ZNF17: variants seen among roughly 807,000 people sequenced by gnomAD.
ZNF17 encodes the protein zinc finger protein 17, also known as zinc finger protein 17 (HPF3, KOX 10).
Under a neutral mutation model 7.7 loss-of-function variants are expected in ZNF17, and 4 were observed. The observed-to-expected ratio is 0.52, with a 90% confidence interval of 0.26 to 1.20. ZNF17 has a LOEUF of 1.20. Among genes scored for constraint, ZNF17 ranks in the 50% most tolerant of loss-of-function variants. The probability of loss-of-function intolerance (pLI) is 0.14; values close to 1 mark genes in which losing one functional copy is unlikely to be tolerated. For missense variants in ZNF17, 738 were observed against 799.5 expected, an observed-to-expected ratio of 0.92 and a Z score of 0.93; for synonymous variants, 249 against 258.8, an observed-to-expected ratio of 0.96 and a Z score of 0.36.
rs559831988 is a variant in ZNF17, at chr19:57,419,802, G to A, written c.316G>A (p.Gly106Arg). The change falls in exon 4 of 4, where the codon GGA (glycine) becomes AGA (arginine). Residue 106 changes from glycine to arginine, a missense_variant. Around this residue, in one of 3 missense-constraint regions of ZNF17, gnomAD observed 616 missense variants for 663.9 expected, o/e 0.93. Transcript: ENST00000307658. ...CATTCTACACCTGGCTGAGCATGACGGAACACACCCCAAGCGTACAGCCAA... is the reference window on the plus strand; with the variant it reads ...CATTCTACACCTGGCTGAGCATGACAGAACACACCCCAAGCGTACAGCCAA... ...KDILHLAEHDGTHPKRTAKLY... is the reference protein window; with the variant it reads ...KDILHLAEHDRTHPKRTAKLY... The A allele has an allele frequency of 7.4e-5, 120 of 1,614,096 alleles. No homozygotes were observed. In the South Asian group the frequency reaches 1.2e-3, roughly 16 times the overall value.
At chr19:57,415,663 G>A (rs1474763191) in intron 2 of ZNF17, among the ~76,000 whole-genome samples, 2 of 152,094 alleles carry the variant, frequency 1.3e-5, no homozygotes, top group Non-Finnish European at 2.9e-5. Flanking sequence ...TGAGGGAGTG[G>A]ATGGACTGAG....
chr19:57,419,678 A>AT lies in ZNF17; in HGVS notation c.193dup (p.Cys65LeufsTer25). 1 of 1,614,080 alleles carries AT rather than the reference A, an allele frequency of 6.2e-7. No homozygotes were observed. Among genetic ancestry groups the AT allele is most frequent in the Non-Finnish European group, 8.5e-7 (1 of 1,179,952 alleles). On this transcript the variant is annotated frameshift_variant, in exon 4 of 4. Transcript: ENST00000307658. LOFTEE classifies it low-confidence loss of function (END_TRUNC). The stretch of plus-strand genomic sequence containing the variant: ...AGGATGAGGAGGCACCTTCCAAGCA[A>AT]TGTGTTTCTGTAGGAGTGTCACAGG...
In ZNF17 at chr19:57,421,065, C is replaced by T. The variant is rs747761149; in HGVS notation, c.1579C>T (p.Pro527Ser). The T allele has an allele frequency of 2.5e-6, 4 of 1,614,176 alleles. No homozygotes were observed. The highest frequency in any genetic ancestry group is 2.5e-6 in the Non-Finnish European group (3 of 1,180,010). Residue 527 changes from proline to serine, a missense_variant, in exon 4 of 4, where the codon CCT (proline) becomes TCT (serine). Around this residue, in one of 3 missense-constraint regions of ZNF17, gnomAD observed 616 missense variants for 663.9 expected, o/e 0.93. Coordinates refer to ENST00000307658, the MANE Select transcript of ZNF17 (RefSeq NM_001330617.2). ...TCAGAGAATTCACACTGGTGAAAGG[C>T]CTTATGAGTGTAGTGAATGTGGGAA... ...THQRIHTGER[P>S]YECSECGKFF...
At position 57,411,420 on chromosome 19, in the gene ZNF17, C is replaced by A. The variant is rs774271991; in HGVS notation, c.-21+14C>A. The A allele has an allele frequency of 6.2e-7, 1 of 1,610,006 alleles. No individual in the cohort carries two copies. The highest frequency in any genetic ancestry group is 1.1e-5 in the South Asian group (1 of 90,822). ...AACCTGACTGAGGTGGGTGCCGCGT[C>A]CCAGGGCGCCCCGCCCGATCCCTCC... On this transcript the variant is annotated intron_variant, in intron 1 of 3. Transcript: ENST00000307658.
chr19:57,416,541 A>G (rs930790832), intron 2 of ZNF17, among the ~76,000 whole-genome samples: 1 of 151,490 alleles, frequency 6.6e-6, no homozygotes. Context: ...GATGGAGTCT[A>G]GCTCTGTTGC....
chr19:57,411,186 T>C lies in ZNF17; in HGVS notation c.-241T>C. The stretch of plus-strand genomic sequence containing the variant: ...GCAACGCCTCCTGGGGTTGTCAATA[T>C]GGCTGCGTTGGGATCTGTTCACCTT... On this transcript the variant is annotated 5_prime_UTR_variant, in exon 1 of 4. An upstream start codon of the reference 5' UTR is lost. Transcript: ENST00000307658. 1.5e-6 allele frequency: 1 copy of C among 645,502 alleles called. No homozygotes were observed. The highest frequency in any genetic ancestry group is 2.5e-6 in the Non-Finnish European group (1 of 398,044). The allele number at this position is 645,502 out of a possible 1,614,324, so 40.0% of individuals were successfully genotyped here.
chr19:57,417,865 A>G (rs773028186), intron 2 of ZNF17, 47 bp from the exon 3 acceptor site: 12 of 1,581,908 alleles, frequency 7.6e-6, no homozygotes, highest in African/African-American at 1.4e-5. Flanking sequence ...AAAAAAAAGA[A>G]AGAAAAAAAA....
chr19:57,417,957 G>C lies in ZNF17; in HGVS notation c.67G>C (p.Glu23Gln). 1 of 1,614,156 alleles carries C rather than the reference G, an allele frequency of 6.2e-7. No homozygotes were observed. Among genetic ancestry groups the C allele is most frequent in the Non-Finnish European group, 8.5e-7 (1 of 1,180,032 alleles). The change falls in exon 3 of 4, where the codon GAG (glutamate) becomes CAG (glutamine). Residue 23 changes from glutamate to glutamine, a missense_variant. Transcript: ENST00000307658. ...EDVAIHFSQEEWGILNDVQRH... is the reference protein window; with the variant it reads ...EDVAIHFSQEQWGILNDVQRH... ...CGTGGCCATACATTTCTCCCAGGAG[G>C]AGTGGGGAATTCTTAATGACGTTCA...
At position 57,419,679 on chromosome 19, in the gene ZNF17, T is replaced by C. The variant is rs368582068; in HGVS notation, c.193T>C (p.Cys65Arg). Residue 65 changes from cysteine (C) to arginine (R), a missense_variant, in exon 4 of 4, where the codon TGT (cysteine) becomes CGT (arginine). By Grantham distance (180) the Cys-to-Arg change is radical. Transcript: ENST00000307658. ...GGATGAGGAGGCACCTTCCAAGCAATGTGTTTCTGTAGGAGTGTCACAGGT... is the reference window on the plus strand; with the variant it reads ...GGATGAGGAGGCACCTTCCAAGCAACGTGTTTCTGTAGGAGTGTCACAGGT... ...AKDEEAPSKQ[C>R]VSVGVSQVTT... 1 of 1,613,984 alleles carries C rather than the reference T, an allele frequency of 6.2e-7. No individual in the cohort carries two copies. The highest frequency in any genetic ancestry group is 1.3e-5 in the African/African-American group (1 of 74,940).
At position 57,421,086 on chromosome 19, in the gene ZNF17, G is replaced by A. The variant is rs1171708387; in HGVS notation, c.1600G>A (p.Gly534Arg). Residue 534 changes from glycine (G) to arginine (R), a missense_variant, in exon 4 of 4, where the codon GGG becomes AGG. Physicochemically the swap from Gly to Arg is moderately radical, Grantham distance 125. Coordinates refer to ENST00000307658, the MANE Select transcript of ZNF17 (RefSeq NM_001330617.2). Reference protein sequence around the residue: ...GERPYECSECGKFFRHNSNHI... With the variant: ...GERPYECSECRKFFRHNSNHI... ...AAGGCCTTATGAGTGTAGTGAATGT[G>A]GGAAATTCTTTAGGCACAACTCAAA... is the stretch of plus-strand genomic sequence containing the variant. 6.2e-7 allele frequency: 1 copy of A among 1,614,116 alleles called. No homozygotes were observed. Among genetic ancestry groups the A allele is most frequent in the Non-Finnish European group, 8.5e-7 (1 of 1,179,948 alleles).
At chr19:57,413,452 C>T in intron 1 of ZNF17, 144 bp from the exon 2 acceptor site, 1 of 767,902 alleles carries the variant, frequency 1.3e-6, no homozygotes, top group Non-Finnish European at 2.1e-6. Flanking sequence ...GAAGTTCAGT[C>T]CTCATCAAGA....
rs768556290 is a variant in ZNF17, at chr19:57,421,525, A to G, written c.*44A>G. Reference sequence around the variant, plus strand: ...AGATGGGGAAAGACTTCACACAGAAATCTACTCTGATTTAGCACTGGGACC... The same window carrying G: ...AGATGGGGAAAGACTTCACACAGAAGTCTACTCTGATTTAGCACTGGGACC... On this transcript the variant is annotated 3_prime_UTR_variant, in exon 4 of 4. Coordinates refer to ENST00000307658, the MANE Select transcript of ZNF17 (RefSeq NM_001330617.2). The G allele has an allele frequency of 6.5e-7, 1 of 1,534,464 alleles. No individual in the cohort carries two copies. The highest frequency in any genetic ancestry group is 8.8e-7 in the Non-Finnish European group (1 of 1,142,820).
chr19:57,417,396 T>A (rs2088817367), intron 2 of ZNF17, among the ~76,000 whole-genome samples: 1 of 152,150 alleles, frequency 6.6e-6, no homozygotes, highest in African/African-American at 2.4e-5. Context: ...TGTGTTGATT[T>A]AGGGCAGGAG....
At chr19:57,414,713 CTT>C (rs567091200) in intron 2 of ZNF17, among the ~76,000 whole-genome samples, 16 of 136,876 alleles carry the variant, frequency 1.2e-4, no homozygotes, top group Non-Finnish European at 1.1e-4. Flanking sequence ...GACCTAGATT[CTT>C]TTTTTTTTTT....
In ZNF17 at chr19:57,420,586, A is replaced by C; in HGVS notation, c.1100A>C (p.Lys367Thr). 3.7e-6 allele frequency: 6 copies of C among 1,614,198 alleles called. No individual in the cohort carries two copies. Among genetic ancestry groups the C allele is most frequent in the Non-Finnish European group, 4.2e-6 (5 of 1,180,000 alleles). ...ERPFYCCECG[K>T]FFMDSCTLII... ...CCTTTTTATTGCTGTGAATGTGGGA[A>C]ATTCTTTATGGACAGCTGCACACTC... Residue 367 changes from lysine to threonine, a missense_variant, in exon 4 of 4, where the codon AAA becomes ACA. By Grantham distance (78) the Lys-to-Thr change is moderately conservative. Around this residue, in one of 3 missense-constraint regions of ZNF17, gnomAD observed 616 missense variants for 663.9 expected, o/e 0.93. Coordinates refer to ENST00000307658, the MANE Select transcript of ZNF17 (RefSeq NM_001330617.2).
In ZNF17 at chr19:57,411,193, G is replaced by A. The variant is rs1453674690; in HGVS notation, c.-234G>A. 2.9e-6 allele frequency: 2 copies of A among 689,344 alleles called. No individual in the cohort carries two copies. Among genetic ancestry groups the A allele is most frequent in the East Asian group, 2.9e-5 (1 of 34,242 alleles). The allele number at this position is 689,344 out of a possible 1,614,324, so 42.7% of individuals were successfully genotyped here. A position where few individuals can be genotyped will look rare whatever the true frequency, so the allele number is the denominator to read the frequency against. On this transcript the variant is annotated 5_prime_UTR_variant, in exon 1 of 4. Coordinates refer to ENST00000307658, the MANE Select transcript of ZNF17 (RefSeq NM_001330617.2). ...CTCCTGGGGTTGTCAATATGGCTGC[G>A]TTGGGATCTGTTCACCTTCAGGCTG... is the stretch of plus-strand genomic sequence containing the variant.
Position 57,411,184 on chromosome 19 carries a change from T to A in ZNF17, c.-243T>A. On this transcript the variant is annotated 5_prime_UTR_variant, in exon 1 of 4. Transcript: ENST00000307658. ...CTGCAACGCCTCCTGGGGTTGTCAA[T>A]ATGGCTGCGTTGGGATCTGTTCACC... The A allele has an allele frequency of 1.6e-6, 1 of 637,032 alleles. No individual in the cohort carries two copies. The highest frequency in any genetic ancestry group is 3.1e-5 in the Admixed American group (1 of 32,118). 39.5% of individuals were successfully genotyped at this position (637,032 alleles called of 1,614,324 possible). A position where few individuals can be genotyped will look rare whatever the true frequency, so the allele number is the denominator to read the frequency against.
rs374905485 is a variant in ZNF17 at position 57,420,188 on chromosome 19, C to A, written c.702C>A (p.Asp234Glu). ...ECGKLFRYNSDLIKHQRNHTG... is the reference protein window; with the variant it reads ...ECGKLFRYNSELIKHQRNHTG... The stretch of plus-strand genomic sequence containing the variant: ...GCAAATTGTTTAGGTACAACTCCGA[C>A]CTTATTAAACATCAGCGAAATCATA... Residue 234 changes from aspartate (D) to glutamate (E), a missense_variant, in exon 4 of 4, where the codon GAC (aspartate) becomes GAA (glutamate). Asp to Glu is a conservative substitution (Grantham distance 45, BLOSUM62 2). Around this residue, in one of 3 missense-constraint regions of ZNF17, gnomAD observed 616 missense variants for 663.9 expected, o/e 0.93. Coordinates refer to ENST00000307658, the MANE Select transcript of ZNF17 (RefSeq NM_001330617.2). 3.7e-6 allele frequency: 6 copies of A among 1,613,108 alleles called. No individual in the cohort carries two copies. The South Asian group carries it at 6.6e-5, about 18-fold the overall frequency.
At chr19:57,413,358 ACTT>A (rs2088790748) in intron 1 of ZNF17, 1 of 531,130 alleles carries the variant, frequency 1.9e-6, no homozygotes, top group Non-Finnish European at 3.4e-6. Context: ...AGTGTGTACT[ACTT>A]ATATTTGATG....
Sources: allele counts gnomAD v4.1 joint callset (sites outside exome capture counted in the v4.1 genomes callset), GRCh38; gene constraint gnomAD v4.1.1; regional missense constraint gnomAD v4.1.1; transcripts MANE v1.5; gene names NCBI Gene and HGNC (gene_info 2026-07-23, HGNC 2026-07-21).